The following TENM3 variants were observed in gnomAD, a reference collection of about 807,000 sequenced individuals.
The protein encoded by TENM3 is teneurin transmembrane protein 3, also known as teneurin-3.
Under a neutral mutation model 255.1 loss-of-function variants are expected in TENM3, and 63 were observed. That is an observed-to-expected ratio of 0.25 (90% CI 0.20 to 0.30). The LOEUF is 0.30. TENM3 is among the 10% of genes least tolerant of loss of function. The pLI is 1.00. For missense variants in TENM3, 2,929 were observed against 3,461.1 expected, an observed-to-expected ratio of 0.85 and a Z score of 3.86; for synonymous variants, 1,306 against 1,322.3, an observed-to-expected ratio of 0.99 and a Z score of 0.27.
the TENM3 span, among the ~76,000 whole-genome samples, chr4:182,013,980 GTATATACGTATATACACA>G: frequency 2.8e-5 from 3 of 107,106 alleles, no homozygotes; most frequent in East Asian, 8.4e-4. Context: ...ATATATACGT[GTATATACGTATATACACA>G]TATATACGTA....
upstream of TENM3, chr4:182,142,127 T>C (rs1348173201): frequency 3.3e-5 from 5 of 152,144 alleles, no homozygotes; most frequent in Admixed American, 6.5e-5. Context: ...CAAGCCTTTT[T>C]TTTATATAAT....
chr4:182,072,968 T>A, the TENM3 span, among the ~76,000 whole-genome samples: 1 of 152,208 alleles, frequency 6.6e-6, no homozygotes, highest in East Asian at 1.9e-4. Flanking sequence ...GGACTGGTGT[T>A]CTTGTAGGTA....
chr4:182,535,997 T>C (rs887133741), intron 3 of TENM3, among the ~76,000 whole-genome samples: 33 of 152,254 alleles, frequency 2.2e-4, no homozygotes, highest in African/African-American at 7.7e-4. Context: ...TAATATTGTA[T>C]ATGTATTGGC....
the TENM3 span, among the ~76,000 whole-genome samples, chr4:181,503,294 A>T: frequency 3.0e-4 from 46 of 152,198 alleles, no homozygotes; most frequent in Non-Finnish European, 5.6e-4. Flanking sequence ...TGAGCCCAGG[A>T]GTTCAAGGTT....
At chr4:182,390,637 A>G (rs1768360217) in intron 3 of TENM3, among the ~76,000 whole-genome samples, 1 of 152,118 alleles carries the variant, frequency 6.6e-6, no homozygotes, top group Non-Finnish European at 1.5e-5. Context: ...ATGTGGCACT[A>G]CTGACACTCT....
chr4:181,788,826 G>A, the TENM3 span, among the ~76,000 whole-genome samples: 1 of 152,176 alleles, frequency 6.6e-6, no homozygotes, highest in South Asian at 2.1e-4. Flanking sequence ...TCAAGCTGTT[G>A]GCCTCAAGCA....
At chr4:181,968,189 G>A in the TENM3 span, among the ~76,000 whole-genome samples, 2 of 152,132 alleles carry the variant, frequency 1.3e-5, no homozygotes, top group African/African-American at 4.8e-5. Context: ...TACCAGGTGT[G>A]AGACCTCCTG....
chr4:182,634,282 T>G lies in TENM3; in HGVS notation c.988+5393T>G, dbSNP rs1308890013. Among the ~76,000 whole-genome samples the G allele has an allele frequency of 2.6e-5, 4 of 152,200 alleles. No homozygotes were observed. In the East Asian group the frequency reaches 5.8e-4, roughly 22 times the overall value. On this transcript the variant is annotated intron_variant, in intron 5 of 27. Transcript: ENST00000511685. ...CAAACAGCGACATGGGGCTAGGAAC[T>G]ATCATTTGGATAGTACAAGTCTAGA...
At chr4:182,373,942 C>T (rs1216473668) in intron 3 of TENM3, among the ~76,000 whole-genome samples, 2 of 152,090 alleles carry the variant, frequency 1.3e-5, no homozygotes, top group South Asian at 2.1e-4. Context: ...TACCTCGTTT[C>T]TTATTTATTC....
the TENM3 span, among the ~76,000 whole-genome samples, chr4:181,886,874 A>G: frequency 6.6e-6 from 1 of 152,182 alleles, no homozygotes; most frequent in Admixed American, 6.5e-5. Flanking sequence ...AAATTGGATA[A>G]TGAATATCTG....
At chr4:181,610,957 G>T in the TENM3 span, among the ~76,000 whole-genome samples, 59 of 152,158 alleles carry the variant, frequency 3.9e-4, no homozygotes, top group Non-Finnish European at 5.4e-4. Flanking sequence ...CATGTGGAAA[G>T]CCACTGGAAA....
chr4:182,712,438 A>AC (rs1758814352), intron 12 of TENM3, among the ~76,000 whole-genome samples: 2 of 151,908 alleles, frequency 1.3e-5, no homozygotes, highest in African/African-American at 4.8e-5. Context: ...ATTAAAAAAA[A>AC]AAAAAAAAAA....
chr4:181,655,017 C>A, the TENM3 span, among the ~76,000 whole-genome samples: 1 of 152,172 alleles, frequency 6.6e-6, no homozygotes, highest in Admixed American at 6.5e-5. Context: ...CATTTGCAAT[C>A]AAGCTGTTAA....
the TENM3 span, among the ~76,000 whole-genome samples, chr4:181,734,366 A>T: frequency 9.8e-4 from 149 of 152,134 alleles, no homozygotes; most frequent in Non-Finnish European, 1.6e-3. Context: ...TTGGGAGTTC[A>T]ATAAAAATTA....
chr4:181,754,219 A>G, the TENM3 span, among the ~76,000 whole-genome samples: 2 of 151,934 alleles, frequency 1.3e-5, no homozygotes, highest in Non-Finnish European at 2.9e-5. Context: ...AGAAAGAACA[A>G]TAACAAAGAA....
intron 12 of TENM3, among the ~76,000 whole-genome samples, chr4:182,697,619 A>C (rs1318770525): frequency 6.6e-6 from 1 of 152,166 alleles, no homozygotes; most frequent in Non-Finnish European, 1.5e-5. Context: ...CCATGTTCTG[A>C]GAACCGGGCT....
chr4:181,558,035 C>T, the TENM3 span, among the ~76,000 whole-genome samples: 2 of 152,128 alleles, frequency 1.3e-5, no homozygotes, highest in Non-Finnish European at 2.9e-5. Flanking sequence ...TGAATTTGTT[C>T]TGTTTAATGG....
chr4:182,491,537 T>C (rs1454300867), intron 3 of TENM3, among the ~76,000 whole-genome samples: 2 of 152,226 alleles, frequency 1.3e-5, no homozygotes, highest in Non-Finnish European at 2.9e-5. Flanking sequence ...TTTGTCAGTA[T>C]ATTTCATTAA....
At chr4:181,804,256 T>C in the TENM3 span, among the ~76,000 whole-genome samples, 1 of 147,242 alleles carries the variant, frequency 6.8e-6, no homozygotes, top group East Asian at 2.1e-4. Flanking sequence ...TTATGTGGAA[T>C]TAATTGACAA....
Sources: gnomAD v4.1 joint callset for allele counts (sites outside exome capture counted in the v4.1 genomes callset) on GRCh38, gnomAD v4.1.1 for gene constraint, MANE v1.5 for transcripts, NCBI Gene and HGNC (gene_info 2026-07-23, HGNC 2026-07-21) for gene names.